The following NUP188 variants were observed in gnomAD, a reference collection of about 807,000 sequenced individuals.
The protein encoded by NUP188 is nucleoporin 188.
In NUP188, 97 loss-of-function variants were observed where a neutral mutation model predicts 223.0. The ratio of observed to expected loss-of-function variants is 0.43; its 90% CI spans 0.37 to 0.51. NUP188 has a LOEUF of 0.51. Among genes scored for constraint, NUP188 ranks in the 20% least tolerant of loss-of-function variants. The pLI, the probability that NUP188 is intolerant of heterozygous loss-of-function variation, is 0.00. For missense variants in NUP188, 1,947 were observed against 2,175.6 expected (o/e 0.89, Z 2.09); for synonymous variants, 869 against 828.0 (o/e 1.05, Z -0.85).
Position 128,977,319 on chromosome 9 carries a change from C to T in NUP188, c.1204-1943C>T, listed in dbSNP as rs1014824761. ...GTATTTTTAGTAGAGACGGGTTTCA[C>T]CATGGTAGCCAGGATGGTCTCGATC... On this transcript the variant is annotated intron_variant, in intron 12 of 43. Coordinates refer to ENST00000372577, the MANE Select transcript of NUP188 (RefSeq NM_015354.3). Among the ~76,000 whole-genome samples the T allele has an allele frequency of 2.6e-5, 4 of 151,840 alleles. No individual in the cohort carries two copies. The East Asian group carries it at 8.0e-4, about 30-fold the overall frequency.
At chr9:128,996,653 G>C (rs1319731009) in intron 30 of NUP188, among the ~76,000 whole-genome samples, 3 of 152,076 alleles carry the variant, frequency 2.0e-5, no homozygotes, top group South Asian at 2.1e-4. Context: ...ACACTTAAAG[G>C]CTCACCTGTC....
At chr9:128,987,399 G>A (rs1842353451) in intron 22 of NUP188, among the ~76,000 whole-genome samples, 190 bp from the exon 23 acceptor site, 1 of 152,028 alleles carries the variant, frequency 6.6e-6, no homozygotes, top group African/African-American at 2.4e-5. Flanking sequence ...CATTTAGATT[G>A]CTTCTCAGGG....
intron 30 of NUP188, among the ~76,000 whole-genome samples, chr9:128,997,564 A>T (rs551500539): frequency 6.6e-6 from 1 of 152,076 alleles, no homozygotes; most frequent in African/African-American, 2.4e-5. Flanking sequence ...ATCATGGCTC[A>T]CTGCAGCCTC....
intron 34 of NUP188, among the ~76,000 whole-genome samples, chr9:129,000,729 T>C (rs1842634533): frequency 6.6e-6 from 1 of 151,872 alleles, no homozygotes; most frequent in Non-Finnish European, 1.5e-5. Context: ...AACGTGTACA[T>C]GAGGATACAG....
At chr9:128,961,782 C>T (rs545388208) in intron 8 of NUP188, among the ~76,000 whole-genome samples, 7 of 151,216 alleles carry the variant, frequency 4.6e-5, no homozygotes, top group South Asian at 2.1e-4. Flanking sequence ...CTACCACGCC[C>T]GGCTAATTTT....
intron 8 of NUP188, among the ~76,000 whole-genome samples, chr9:128,962,287 C>T (rs1588272199): frequency 7.0e-6 from 1 of 143,328 alleles, no homozygotes; most frequent in South Asian, 2.3e-4. Context: ...CTCGCTCTGT[C>T]ACCCAGGCTA....
intron 43 of NUP188, 66 bp from the exon 44 acceptor site, chr9:129,006,436 A>G (rs934463989): frequency 6.2e-7 from 1 of 1,612,250 alleles, no homozygotes; most frequent in African/African-American, 1.3e-5. Flanking sequence ...CCTGCCTGGC[A>G]ACCCCCAAGG....
In NUP188 at chr9:128,947,757, G is replaced by C. The variant is rs904356553; in HGVS notation, c.32+6G>C. On this transcript the variant is annotated splice_donor_region_variant and intron_variant, in intron 1 of 43. Coordinates refer to ENST00000372577, the MANE Select transcript of NUP188 (RefSeq NM_015354.3). ...GCCGGCGGGCCGTGTGTGAGGTGCGGAGCGGGTCGAATGGACCGGGGTGGC... is the reference window on the plus strand; with the variant it reads ...GCCGGCGGGCCGTGTGTGAGGTGCGCAGCGGGTCGAATGGACCGGGGTGGC... 4.1e-6 allele frequency: 6 copies of C among 1,459,594 alleles called. No individual in the cohort carries two copies. Among genetic ancestry groups the C allele is most frequent in the Non-Finnish European group, 5.4e-6 (6 of 1,107,352 alleles). The allele number at this position is 1,459,594 out of a possible 1,614,324, so 90.4% of individuals were successfully genotyped here. A position where few individuals can be genotyped will look rare whatever the true frequency, so the allele number is the denominator to read the frequency against.
intron 8 of NUP188, among the ~76,000 whole-genome samples, chr9:128,962,029 T>C (rs902273192): frequency 2.1e-4 from 31 of 149,934 alleles, no homozygotes; most frequent in African/African-American, 7.6e-4. Context: ...CTCCACCTCC[T>C]GGGTCAAGCA....
At chr9:128,997,295 C>A (rs1023741001) in intron 30 of NUP188, among the ~76,000 whole-genome samples, 1 of 152,142 alleles carries the variant, frequency 6.6e-6, no homozygotes, top group African/African-American at 2.4e-5. Context: ...GGGACTGATA[C>A]TACATCAGTT....
chr9:128,994,437 T>C lies in NUP188; in HGVS notation c.3082T>C (p.Ser1028Pro). The change falls in exon 28 of 44, where the codon TCA (serine) becomes CCA (proline). Residue 1028 changes from serine to proline, a missense_variant. Around this residue, in one of 3 missense-constraint regions of NUP188, gnomAD observed 905 missense variants for 990.6 expected, o/e 0.91. Coordinates refer to ENST00000372577, the MANE Select transcript of NUP188 (RefSeq NM_015354.3). ...FGTLSPPSET[S>P]EPSILETCAL... ...AACCCTTTCTCCTCCCTCTGAAACA[T>C]CAGAGGTAAGCTGTGGCAGAGGGCA... 2 of 1,612,396 alleles carry C rather than the reference T, an allele frequency of 1.2e-6. No individual in the cohort carries two copies. Among genetic ancestry groups the C allele is most frequent in the South Asian group, 2.2e-5 (2 of 91,030 alleles).
In NUP188 at chr9:128,988,127, T is replaced by C; in HGVS notation, c.2474T>C (p.Ile825Thr). Residue 825 changes from isoleucine to threonine, a missense_variant, in exon 24 of 44, where the codon ATT (isoleucine) becomes ACT (threonine). Around this residue, in one of 3 missense-constraint regions of NUP188, gnomAD observed 225 missense variants for 319.1 expected, o/e 0.71. Transcript: ENST00000372577. ...GCATTCTCCGTCACCAACAATGTTA[T>C]TCGGCTGAAACCTCCTTCTAATGTG... Reference protein sequence around the residue: ...KLAFSVTNNVIRLKPPSNVVS... With the variant: ...KLAFSVTNNVTRLKPPSNVVS... The C allele has an allele frequency of 6.8e-6, 11 of 1,614,252 alleles. No individual in the cohort carries two copies. The highest frequency in any genetic ancestry group is 1.7e-5 in the Admixed American group (1 of 60,024).
intron 12 of NUP188, 99 bp downstream of exon 12, chr9:128,973,348 T>G: frequency 2.7e-6 from 2 of 752,168 alleles, no homozygotes; most frequent in Non-Finnish European, 4.4e-6. Flanking sequence ...TTACCTCATG[T>G]GTTAATTTGT....
Position 128,974,396 on chromosome 9 carries a change from T to G in NUP188, c.1203+1147T>G, listed in dbSNP as rs1368920092. The stretch of plus-strand genomic sequence containing the variant: ...CTTCTGCAGCAGGTTGTTGTTTTTT[T>G]TTTTTTTTTTTTTGAGACAGGGTCT... On this transcript the variant is annotated intron_variant, in intron 12 of 43. Transcript: ENST00000372577. 6.7e-5 allele frequency among the ~76,000 whole-genome samples: 10 copies of G among 150,082 alleles called. No individual in the cohort carries two copies. The East Asian group carries it at 1.2e-3, about 17-fold the overall frequency.
At chr9:128,990,650 G>A (rs538854618) in intron 25 of NUP188, among the ~76,000 whole-genome samples, 1 of 152,334 alleles carries the variant, frequency 6.6e-6, no homozygotes, top group African/African-American at 2.4e-5. Flanking sequence ...GTATCACAGA[G>A]TCAGGAGATC....
At position 129,003,704 on chromosome 9, in the gene NUP188, A is replaced by G. The variant is rs959768342; in HGVS notation, c.4434+250A>G. On this transcript the variant is annotated intron_variant, in intron 38 of 43. Transcript: ENST00000372577. ...ATCTTGGTTCAGATCCCTTAAGAAT[A>G]CACTTGGGGCCGGGCATGGTGGCTC... 42 of 571,430 alleles carry G rather than the reference A, an allele frequency of 7.3e-5. 1 individual carries two copies. The highest frequency in any genetic ancestry group is 1.2e-4 in the Non-Finnish European group (37 of 315,982). 35.4% of individuals were successfully genotyped at this position (571,430 alleles called of 1,614,324 possible).
At position 129,005,467 on chromosome 9, in the gene NUP188, C is replaced by G; in HGVS notation, c.4674C>G (p.Leu1558=). ...HTVQYGLLKI[L]SKTLAALRHF... The stretch of plus-strand genomic sequence containing the variant: ...TCCAGTATGGCCTTCTCAAGATCCT[C>G]AGCAAGACGCTGGCAGCCCTGCGCC... Residue 1558 remains leucine, a synonymous_variant, in exon 40 of 44, where the codon CTC becomes CTG. Coordinates refer to ENST00000372577, the MANE Select transcript of NUP188 (RefSeq NM_015354.3). 1.2e-6 allele frequency: 2 copies of G among 1,606,460 alleles called. No individual in the cohort carries two copies. The highest frequency in any genetic ancestry group is 1.7e-6 in the Non-Finnish European group (2 of 1,179,994).
chr9:128,958,903 G>A lies in NUP188; in HGVS notation c.465+9G>A. ...AAAGACACCCCTATAGGGTAAGCTT[G>A]TTTAGTCCTCTTGCTTCTCTTTATA... On this transcript the variant is annotated intron_variant, in intron 7 of 43. Transcript: ENST00000372577. The A allele has an allele frequency of 6.5e-7, 1 of 1,549,964 alleles. No individual in the cohort carries two copies. Among genetic ancestry groups the A allele is most frequent in the Non-Finnish European group, 8.8e-7 (1 of 1,134,178 alleles).
intron 19 of NUP188, among the ~76,000 whole-genome samples, chr9:128,983,963 G>C (rs1348516078): frequency 6.6e-6 from 1 of 151,996 alleles, no homozygotes; most frequent in African/African-American, 2.4e-5. Context: ...CAGGATTACA[G>C]ATGTGCGGCA....
Sources: allele counts gnomAD v4.1 joint callset (sites outside exome capture counted in the v4.1 genomes callset), GRCh38; gene constraint gnomAD v4.1.1; regional missense constraint gnomAD v4.1.1; transcripts MANE v1.5; gene names NCBI Gene and HGNC (gene_info 2026-07-23, HGNC 2026-07-21).